Variants in LASP1 observed in about 807,000 individuals in gnomAD.
LASP1 encodes LIM and SH3 domain protein 1.
LASP1 carries 10 observed loss-of-function variants against 38.6 expected under a neutral mutation model. That is an observed-to-expected ratio of 0.26 (90% CI 0.16 to 0.44). The LOEUF is 0.44. LASP1 is among the 20% of genes least tolerant of loss of function. The pLI is 1.00. For missense variants in LASP1, 243 were observed against 375.7 expected, an observed-to-expected ratio of 0.65 and a Z score of 2.92; for synonymous variants, 132 against 140.8, an observed-to-expected ratio of 0.94 and a Z score of 0.44.
intron 3 of LASP1, among the ~76,000 whole-genome samples, chr17:38,894,484 C>A (rs967190185): frequency 2.0e-5 from 3 of 152,120 alleles, no homozygotes; most frequent in African/African-American, 7.2e-5. Flanking sequence ...GTGCACAGTG[C>A]CTTCGTCTGA....
chr17:38,886,614 C>G (rs1376355564), intron 2 of LASP1, among the ~76,000 whole-genome samples: 1 of 152,108 alleles, frequency 6.6e-6, no homozygotes, highest in Non-Finnish European at 1.5e-5. Flanking sequence ...ACCTGCCAAC[C>G]CCACCCAAGG....
At chr17:38,910,513 C>CT (rs1054605181) in intron 4 of LASP1, among the ~76,000 whole-genome samples, 5 of 152,018 alleles carry the variant, frequency 3.3e-5, no homozygotes, top group African/African-American at 1.2e-4. Flanking sequence ...TAGCAGCCGG[C>CT]TGTGGGCTGG....
At chr17:38,889,809 A>T (rs1914252402) in intron 2 of LASP1, among the ~76,000 whole-genome samples, 1 of 150,428 alleles carries the variant, frequency 6.6e-6, no homozygotes, top group South Asian at 2.1e-4. Flanking sequence ...CCCTCAGGTG[A>T]CCTCCTTTTT....
chr17:38,894,820 C>G (rs1914440541), intron 3 of LASP1, among the ~76,000 whole-genome samples: 1 of 152,096 alleles, frequency 6.6e-6, no homozygotes, highest in Admixed American at 6.5e-5. Flanking sequence ...TCATTGCAGC[C>G]TTGACTTCCC....
At chr17:38,899,816 CA>C (rs1914591051) in intron 4 of LASP1, among the ~76,000 whole-genome samples, 1 of 148,024 alleles carries the variant, frequency 6.8e-6, no homozygotes, top group African/African-American at 2.5e-5. Flanking sequence ...GCTCCGCCTC[CA>C]GGGTTCAAGT....
intron 2 of LASP1, among the ~76,000 whole-genome samples, chr17:38,883,853 A>G (rs1001634442): frequency 4.7e-5 from 7 of 149,862 alleles, no homozygotes; most frequent in African/African-American, 9.9e-5. Flanking sequence ...TGATTGAACA[A>G]TGCCTCCTTG....
At chr17:38,913,430 A>G (rs993887006) in intron 4 of LASP1, among the ~76,000 whole-genome samples, 6 of 152,180 alleles carry the variant, frequency 3.9e-5, no homozygotes, top group African/African-American at 1.4e-4. Flanking sequence ...GACATCTTGC[A>G]CACAAGAGGT....
chr17:38,919,676 C>G lies in LASP1; in HGVS notation c.*898C>G, dbSNP rs1915243227. ...TTGGTCTTCAGCCTCCCTCAGCCCC[C>G]AGGATCTGGGTTAGGTGGCCGCTCC... is the stretch of plus-strand genomic sequence containing the variant. On this transcript the variant is annotated 3_prime_UTR_variant, in exon 7 of 7. Transcript: ENST00000318008. 1 of 341,636 alleles carries G rather than the reference C, an allele frequency of 2.9e-6. No homozygotes were observed. The highest frequency in any genetic ancestry group is 3.9e-5 in the Admixed American group (1 of 25,850). 21.2% of individuals were successfully genotyped at this position (341,636 alleles called of 1,614,324 possible). A position where few individuals can be genotyped will look rare whatever the true frequency, so the allele number is the denominator to read the frequency against.
At chr17:38,899,156 T>C (rs942796080) in intron 4 of LASP1, 5 of 220,772 alleles carry the variant, frequency 2.3e-5, no homozygotes, top group African/African-American at 9.0e-5. Context: ...AGGCCTCAGT[T>C]TCCTGCTTGG....
intron 4 of LASP1, among the ~76,000 whole-genome samples, chr17:38,906,181 T>C (rs1331248877): frequency 6.6e-6 from 1 of 152,190 alleles, no homozygotes; most frequent in African/African-American, 2.4e-5. Flanking sequence ...TGCCCACATC[T>C]TGAGCCTTGG....
At chr17:38,898,304 T>C (rs1914544345) in intron 3 of LASP1, 108 bp from the exon 4 acceptor site, 1 of 641,922 alleles carries the variant, frequency 1.6e-6, no homozygotes, top group East Asian at 2.8e-5. Context: ...GTCTTTCTGC[T>C]GACTCCCTGT....
Position 38,875,071 on chromosome 17 carries a change from G to GTGTGTGTGTGTGTGTGTA in LASP1, c.70-2998_70-2997insATGTGTGTGTGTGTGTGT, listed in dbSNP as rs1555553208. On this transcript the variant is annotated intron_variant, in intron 1 of 6. Transcript: ENST00000318008. ...TGTAGCCCTTCGTGTGTGTGTGTGT[G>GTGTGTGTGTGTGTGTGTA]TGTGTGTGTGTGTGTGTGAGAAAGT... 9.1e-4 allele frequency among the ~76,000 whole-genome samples: 123 copies of GTGTGTGTGTGTGTGTGTA among 135,858 alleles called. 1 individual carries two copies. The South Asian group carries it at 0.026, about 29-fold the overall frequency. The allele number at this position is 135,858 out of a possible 152,430, so 89.1% of individuals were successfully genotyped here. A position where few individuals can be genotyped will look rare whatever the true frequency, so the allele number is the denominator to read the frequency against.
At chr17:38,873,452 T>TCTC (rs2143721084) in intron 1 of LASP1, among the ~76,000 whole-genome samples, 1 of 152,366 alleles carries the variant, frequency 6.6e-6, no homozygotes, top group Non-Finnish European at 1.5e-5. Context: ...ATGTGGCTCA[T>TCTC]CTCCCTCTCT....
In LASP1 at chr17:38,918,465, T is replaced by C; in HGVS notation, c.613-140T>C. ...GCAAGACACAGAGGTTAAGAATCTT[T>C]GCAGCAGAGCCTGGTGCTCCATTTC... On this transcript the variant is annotated intron_variant, in intron 6 of 6. Coordinates refer to ENST00000318008, the MANE Select transcript of LASP1 (RefSeq NM_006148.4). The surrounding 1 kb of genome is among the most constrained non-coding windows in gnomAD (Gnocchi z 4.4). 1.2e-6 allele frequency: 1 copy of C among 834,068 alleles called. No homozygotes were observed. 51.7% of individuals were successfully genotyped at this position (834,068 alleles called of 1,614,324 possible).
intron 3 of LASP1, among the ~76,000 whole-genome samples, chr17:38,896,003 T>A (rs1262185121): frequency 6.6e-6 from 1 of 152,214 alleles, no homozygotes; most frequent in Non-Finnish European, 1.5e-5. Flanking sequence ...CATCCTGGCC[T>A]GAGCGACAAC....
chr17:38,886,251 G>A (rs1365961896), intron 2 of LASP1, among the ~76,000 whole-genome samples: 3 of 152,100 alleles, frequency 2.0e-5, no homozygotes, highest in East Asian at 1.9e-4. Flanking sequence ...GTAGTGAGCC[G>A]GGAGAGGGAA....
intron 6 of LASP1, 156 bp downstream of exon 6, chr17:38,915,302 C>T (rs969063810): frequency 2.2e-5 from 14 of 623,294 alleles, no homozygotes; most frequent in African/African-American, 3.7e-5. Context: ...AATTGGTTGG[C>T]GTAGTGGGCA....
chr17:38,909,335 C>T (rs1044076323), intron 4 of LASP1, among the ~76,000 whole-genome samples: 5 of 152,108 alleles, frequency 3.3e-5, no homozygotes, highest in Admixed American at 1.3e-4. Context: ...AGGCTGGGCA[C>T]GGTGGCTCAC....
rs1323275326 is a variant in LASP1 at position 38,914,493 on chromosome 17, T to A, written c.508+18T>A. Reference sequence around the variant, plus strand: ...TGCCCCGGGTGAGTGCAGGTCCTGTTGGTGCAGATGACCTGAGGCGAGGCC... The same window carrying A: ...TGCCCCGGGTGAGTGCAGGTCCTGTAGGTGCAGATGACCTGAGGCGAGGCC... On this transcript the variant is annotated intron_variant, in intron 5 of 6. Transcript: ENST00000318008. 1.9e-6 allele frequency: 3 copies of A among 1,578,540 alleles called. No homozygotes were observed. The Admixed American group carries it at 5.3e-5, about 28-fold the overall frequency.
Sources: gnomAD v4.1 joint callset for allele counts (sites outside exome capture counted in the v4.1 genomes callset) on GRCh38, gnomAD v4.1.1 for gene constraint, Gnocchi (gnomAD v3.1) non-coding constraint, MANE v1.5 for transcripts, NCBI Gene and HGNC (gene_info 2026-07-23, HGNC 2026-07-21) for gene names.